EP300: variants seen among roughly 807,000 people sequenced by gnomAD.
EP300 encodes the protein EP300 lysine acetyltransferase, also known as histone acetyltransferase p300.
In EP300, 31 loss-of-function variants were observed where a neutral mutation model predicts 264.0. That is an observed-to-expected ratio of 0.12 (90% CI 0.09 to 0.16). The LOEUF (loss-of-function observed/expected upper bound fraction) is 0.16, where lower values mean the gene tolerates loss of function less well. Ranked by LOEUF, EP300 falls within the 10% of genes least tolerant of loss-of-function variation. The pLI, the probability that EP300 is intolerant of heterozygous loss-of-function variation, is 1.00. For synonymous variants in EP300, 1,340 were observed against 1,045.4 expected (o/e 1.28, Z -5.44); for missense variants, 2,766 against 3,052.9 (o/e 0.91, Z 2.21).
chr22:41,123,732 G>A (rs896256536), intron 2 of EP300, among the ~76,000 whole-genome samples: 1 of 141,914 alleles, frequency 7.0e-6, no homozygotes, highest in Non-Finnish European at 1.6e-5. Context: ...GTGTAATTTG[G>A]CAGAAGAGGA....
rs202094489 is a variant in EP300, at chr22:41,178,681, C to G, written c.6970C>G (p.His2324Asp). Residue 2324 changes from histidine to aspartate, a missense_variant, in exon 31 of 31, where the codon CAC (histidine) becomes GAC (aspartate). By Grantham distance (81) the His-to-Asp change is moderately conservative. Transcript: ENST00000263253. ...PSPRPQSQPP[H>D]SSPSPRMQPQ... ...TCCACGGCCACAGTCCCAGCCCCCCCACTCCAGTCCTTCCCCAAGGATGCA... is the reference window on the plus strand; with the variant it reads ...TCCACGGCCACAGTCCCAGCCCCCCGACTCCAGTCCTTCCCCAAGGATGCA... The G allele has an allele frequency of 8.7e-6, 14 of 1,614,080 alleles. No homozygotes were observed. Among genetic ancestry groups the G allele is most frequent in the Non-Finnish European group, 1.0e-5 (12 of 1,180,044 alleles).
At chr22:41,098,881 C>T (rs1377022676) in intron 1 of EP300, among the ~76,000 whole-genome samples, 2 of 152,016 alleles carry the variant, frequency 1.3e-5, no homozygotes, top group Non-Finnish European at 2.9e-5. Context: ...TGGGTGCGCA[C>T]CTTATAGGAA....
rs35560602 is a variant in EP300 at position 41,149,880 on chromosome 22, G to T, written c.2499G>T (p.Ser833=). The change falls in exon 14 of 31, where the codon TCG becomes TCT. Residue 833 remains serine (S), a synonymous_variant. Transcript: ENST00000263253. The part of the protein sequence containing the change: ...PQPALHQNSP[S]PVPSRTPTPH... ...CAGCTCTTCATCAGAATTCACCCTC[G>T]CCTGTACCTAGTCGTACCCCCACCC... The T allele has an allele frequency of 2.5e-6, 4 of 1,613,598 alleles. No homozygotes were observed. Among genetic ancestry groups the T allele is most frequent in the Admixed American group, 1.7e-5 (1 of 59,962 alleles).
chr22:41,131,761 C>CTT, intron 6 of EP300, 128 bp downstream of exon 6: 1 of 1,408,352 alleles, frequency 7.1e-7, no homozygotes, highest in Non-Finnish European at 9.8e-7. Context: ...TTAAAGATTA[C>CTT]AGTGTAAAAG....
intron 2 of EP300, among the ~76,000 whole-genome samples, chr22:41,122,275 C>T (rs1447152129): frequency 6.7e-6 from 1 of 148,486 alleles, no homozygotes; most frequent in Non-Finnish European, 1.5e-5. Flanking sequence ...AAGTGATTCT[C>T]CTGCCTCAGT....
chr22:41,179,325 GTTA>G lies in EP300; in HGVS notation c.*375_*377del, dbSNP rs1276588045. 33 of 250,334 alleles carry G rather than the reference GTTA, an allele frequency of 1.3e-4. No homozygotes were observed. Among genetic ancestry groups the G allele is most frequent in the Non-Finnish European group, 2.5e-4 (32 of 127,896 alleles). 15.5% of individuals were successfully genotyped at this position (250,334 alleles called of 1,614,324 possible). On this transcript the variant is annotated 3_prime_UTR_variant, in exon 31 of 31. Transcript: ENST00000263253. ...TTAATGAACATATGTAATATTAATA[GTTA>G]TTATTTACTGGTGCAGATGGTTGAC...
At chr22:41,122,909 G>A (rs886828965) in intron 2 of EP300, among the ~76,000 whole-genome samples, 1 of 152,074 alleles carries the variant, frequency 6.6e-6, no homozygotes, top group Admixed American at 6.6e-5. Context: ...GGTGGTGCAA[G>A]CTTGTAGTCC....
Position 41,178,971 on chromosome 22 carries a change from A to AT in EP300, c.*19dup, listed in dbSNP as rs948745540. On this transcript the variant is annotated 3_prime_UTR_variant, in exon 31 of 31. Coordinates refer to ENST00000263253, the MANE Select transcript of EP300 (RefSeq NM_001429.4). ...ACATACACTAGAGACACCTTGTAGTATTTTGGGAGCAAAAAAATTATTTTC... is the reference window on the plus strand; with the variant it reads ...ACATACACTAGAGACACCTTGTAGTATTTTTGGGAGCAAAAAAATTATTTTC... 2 of 1,469,856 alleles carry AT rather than the reference A, an allele frequency of 1.4e-6. No individual in the cohort carries two copies. Among genetic ancestry groups the AT allele is most frequent in the Non-Finnish European group, 1.9e-6 (2 of 1,068,256 alleles). 91.1% of individuals were successfully genotyped at this position (1,469,856 alleles called of 1,614,324 possible). A position where few individuals can be genotyped will look rare whatever the true frequency, so the allele number is the denominator to read the frequency against.
Position 41,093,112 on chromosome 22 carries a change from GC to G in EP300, c.94+18del. On this transcript the variant is annotated intron_variant, in intron 1 of 30. Transcript: ENST00000263253. ...GCGATGGCACAGGTTAGTTTCGGCA[GC>G]CCCGGCCTTCCACGTTCCCTTTAAT... 6.2e-7 allele frequency: 1 copy of G among 1,613,412 alleles called. No individual in the cohort carries two copies. Among genetic ancestry groups the G allele is most frequent in the South Asian group, 1.1e-5 (1 of 91,068 alleles).
In EP300 at chr22:41,137,501, C is replaced by G. The variant is rs781588294; in HGVS notation, c.1623-152C>G. ...TGAACATGCACAGTTTAAAATCAGT[C>G]TAGTCACACACTTCTCCCTGCCTAG... is the stretch of plus-strand genomic sequence containing the variant. On this transcript the variant is annotated intron_variant, in intron 7 of 30. Coordinates refer to ENST00000263253, the MANE Select transcript of EP300 (RefSeq NM_001429.4). 4.1e-6 allele frequency: 4 copies of G among 965,266 alleles called. No individual in the cohort carries two copies. In the African/African-American group the frequency reaches 6.4e-5, roughly 15 times the overall value. The allele number at this position is 965,266 out of a possible 1,614,324, so 59.8% of individuals were successfully genotyped here. A position where few individuals can be genotyped will look rare whatever the true frequency, so the allele number is the denominator to read the frequency against.
intron 1 of EP300, 47 bp downstream of exon 1, chr22:41,093,145 T>C: frequency 1.3e-6 from 2 of 1,564,832 alleles, no homozygotes; most frequent in Non-Finnish European, 1.8e-6. Context: ...TAATCTTTTC[T>C]ACTCGGTGCG....
At chr22:41,158,907 C>G (rs2059092613) in intron 19 of EP300, 1 of 217,774 alleles carries the variant, frequency 4.6e-6, no homozygotes, top group Admixed American at 5.2e-5. Flanking sequence ...GAGGCCTATC[C>G]CTAAGTAGTT....
intron 27 of EP300, 93 bp downstream of exon 27, chr22:41,170,664 T>C: frequency 7.6e-7 from 1 of 1,323,194 alleles, no homozygotes; most frequent in South Asian, 1.3e-5. Flanking sequence ...TTTTTTTTTT[T>C]TTTTTTTTTT....
intron 22 of EP300, 42 bp downstream of exon 22, chr22:41,164,172 TCGTGAA>T: frequency 1.3e-6 from 2 of 1,562,708 alleles, no homozygotes; most frequent in Non-Finnish European, 1.8e-6. Flanking sequence ...TTTTTCTTTA[TCGTGAA>T]TATTAACAAG....
In EP300 at chr22:41,170,734, T is replaced by C. The variant is rs1465544044; in HGVS notation, c.4452+163T>C. Among the ~76,000 whole-genome samples the C allele has an allele frequency of 2.8e-5, 4 of 142,426 alleles. No individual in the cohort carries two copies. In the East Asian group the frequency reaches 6.6e-4, roughly 24 times the overall value. 93.4% of individuals were successfully genotyped at this position (142,426 alleles called of 152,430 possible). ...TGGAGTGCAGTGACACGATTTTGGCTCACTTCAAGCTCCGCCTCCTGGGTT... is the reference window on the plus strand; with the variant it reads ...TGGAGTGCAGTGACACGATTTTGGCCCACTTCAAGCTCCGCCTCCTGGGTT... On this transcript the variant is annotated intron_variant, in intron 27 of 30. Transcript: ENST00000263253.
rs568789538 is a variant in EP300 at position 41,100,327 on chromosome 22, G to GT, written c.94+7230dup. Among the ~76,000 whole-genome samples the GT allele has an allele frequency of 5.7e-4, 87 of 152,262 alleles. No individual in the cohort carries two copies. The South Asian group carries it at 0.012, about 20-fold the overall frequency. On this transcript the variant is annotated intron_variant, in intron 1 of 30. Transcript: ENST00000263253. The stretch of plus-strand genomic sequence containing the variant: ...TTGAAATGGCAGAAAATGAAACGGG[G>GT]TAAGGATGAACTCCTGTATAGATAG...
chr22:41,152,499 CTAA>C (rs2059052431), intron 16 of EP300, 149 bp downstream of exon 16: 1 of 783,202 alleles, frequency 1.3e-6, no homozygotes, highest in Non-Finnish European at 2.0e-6. Context: ...TTCATTGTTA[CTAA>C]TAATTTTTCT....
At chr22:41,121,156 T>G (rs2058850103) in intron 2 of EP300, among the ~76,000 whole-genome samples, 1 of 152,208 alleles carries the variant, frequency 6.6e-6, no homozygotes, top group South Asian at 2.1e-4. Context: ...TTTTTTCTTT[T>G]TTCTTTTTTT....
intron 10 of EP300, among the ~76,000 whole-genome samples, chr22:41,144,382 G>T (rs959009381): frequency 3.3e-5 from 5 of 151,872 alleles, no homozygotes; most frequent in Admixed American, 2.0e-4. Flanking sequence ...TTGAGATGGG[G>T]TCTGTTTCGC....
Sources: gnomAD v4.1 joint callset for allele counts (sites outside exome capture counted in the v4.1 genomes callset) on GRCh38, gnomAD v4.1.1 for gene constraint, MANE v1.5 for transcripts, NCBI Gene and HGNC (gene_info 2026-07-23, HGNC 2026-07-21) for gene names.